ZSWIM7: variants seen among roughly 807,000 people sequenced by gnomAD.
ZSWIM7 encodes the protein zinc finger SWIM domain-containing protein 7.
In ZSWIM7, 22 loss-of-function variants were observed where a neutral mutation model predicts 21.1. The ratio of observed to expected loss-of-function variants is 1.04; its 90% CI spans 0.74 to 1.49. ZSWIM7 has a LOEUF of 1.49. ZSWIM7 is among the 40% of genes most tolerant of loss of function. ZSWIM7 has a pLI of 0.00. For missense variants in ZSWIM7, 193 were observed against 168.0 expected (o/e 1.15, Z -0.82); for synonymous variants, 67 against 66.5 (o/e 1.01, Z -0.04).
At chr17:15,984,113 G>A (rs971251523) in intron 3 of ZSWIM7, among the ~76,000 whole-genome samples, 1 of 151,158 alleles carries the variant, frequency 6.6e-6, no homozygotes, top group Non-Finnish European at 1.5e-5. Flanking sequence ...GAGATGGGGA[G>A]AAATTCTACA....
chr17:15,993,410 A>G (rs1970509732), intron 2 of ZSWIM7, among the ~76,000 whole-genome samples: 1 of 151,456 alleles, frequency 6.6e-6, no homozygotes, highest in Non-Finnish European at 1.5e-5. Flanking sequence ...CTCTGTCCCC[A>G]GGCTGAAGTG....
chr17:15,980,664 C>T (rs920604250), intron 4 of ZSWIM7, among the ~76,000 whole-genome samples: 3 of 152,144 alleles, frequency 2.0e-5, no homozygotes, highest in Non-Finnish European at 4.4e-5. Context: ...GTCAGGCTGT[C>T]TCACAGGTAG....
In ZSWIM7 at chr17:15,999,608, A is replaced by G. The variant is rs756632805; in HGVS notation, c.-14T>C. 9.6e-6 allele frequency: 15 copies of G among 1,567,782 alleles called. No homozygotes were observed. In the African/African-American group the frequency reaches 1.9e-4, roughly 20 times the overall value. ...CACTACGGCCATCGCGCCGCAGGAC[A>G]CGCCCTCCACGACCGGCGGACCGCC... On this transcript the variant is annotated 5_prime_UTR_variant, in exon 1 of 5. Transcript: ENST00000399277.
At position 15,977,934 on chromosome 17, in the gene ZSWIM7, A is replaced by G. The variant is rs1970299082; in HGVS notation, c.*113T>C. 1 of 887,044 alleles carries G rather than the reference A, an allele frequency of 1.1e-6. No homozygotes were observed. Among genetic ancestry groups the G allele is most frequent in the Non-Finnish European group, 1.8e-6 (1 of 551,964 alleles). 54.9% of individuals were successfully genotyped at this position (887,044 alleles called of 1,614,324 possible). A position where few individuals can be genotyped will look rare whatever the true frequency, so the allele number is the denominator to read the frequency against. On this transcript the variant is annotated 3_prime_UTR_variant, in exon 5 of 5. Transcript: ENST00000399277. ...CAGTCCTGGAGGGAAAAGGGACAGT[A>G]ACATGAAGTGTCTGAAGATCCATTT...
chr17:15,986,859 A>C (rs1478502492), intron 3 of ZSWIM7: 1 of 153,168 alleles, frequency 6.5e-6, no homozygotes, highest in Non-Finnish European at 1.5e-5. Flanking sequence ...TAGGAGTTTG[A>C]GACCAGCCTG....
Position 15,977,310 on chromosome 17 carries a change from A to C in ZSWIM7, c.*737T>G, listed in dbSNP as rs1302780955. 1 of 152,120 alleles carries C rather than the reference A, an allele frequency of 6.6e-6. No homozygotes were observed. Among genetic ancestry groups the C allele is most frequent in the Non-Finnish European group, 1.5e-5 (1 of 68,036 alleles). 9.4% of individuals were successfully genotyped at this position (152,120 alleles called of 1,614,324 possible). ...TGCTGCTCAATAGTTTCCTGGACCC[A>C]AGGAAAAGAACTGACCTACTCGTCG... is the stretch of plus-strand genomic sequence containing the variant. On this transcript the variant is annotated 3_prime_UTR_variant, in exon 5 of 5. Transcript: ENST00000399277.
rs571917677 is a variant in ZSWIM7 at position 15,998,669 on chromosome 17, T to C, written c.76+850A>G. On this transcript the variant is annotated intron_variant, in intron 1 of 4. Coordinates refer to ENST00000399277, the MANE Select transcript of ZSWIM7 (RefSeq NM_001042697.2). ...AGCATAGCCAAAGAGTACCCTCTGCTGGTCAGAAAAAAAATGGTGCTTTCA... is the reference window on the plus strand; with the variant it reads ...AGCATAGCCAAAGAGTACCCTCTGCCGGTCAGAAAAAAAATGGTGCTTTCA... Among the ~76,000 whole-genome samples the C allele has an allele frequency of 1.1e-4, 17 of 152,064 alleles. No homozygotes were observed. In the South Asian group the frequency reaches 3.1e-3, roughly 28 times the overall value.
chr17:15,978,579 C>A (rs965186095), intron 4 of ZSWIM7, among the ~76,000 whole-genome samples: 1 of 152,212 alleles, frequency 6.6e-6, no homozygotes, highest in Non-Finnish European at 1.5e-5. Context: ...GCCTGGGTGA[C>A]AGAGCCAGAC....
chr17:15,995,721 C>T (rs868680811), intron 1 of ZSWIM7, among the ~76,000 whole-genome samples: 4 of 151,812 alleles, frequency 2.6e-5, no homozygotes, highest in Non-Finnish European at 5.9e-5. Flanking sequence ...AGAGGACATC[C>T]AGTAACTTAA....
intron 4 of ZSWIM7, 94 bp downstream of exon 4, chr17:15,980,946 T>C: frequency 2.3e-6 from 2 of 879,318 alleles, no homozygotes; most frequent in Non-Finnish European, 3.4e-6. Context: ...CAACATATAA[T>C]AAGATTCCCA....
chr17:15,995,290 G>A (rs896606265), intron 1 of ZSWIM7, among the ~76,000 whole-genome samples: 11 of 149,456 alleles, frequency 7.4e-5, no homozygotes, highest in African/African-American at 2.5e-4. Flanking sequence ...TTTTTGAGAC[G>A]GAGTTTCGCT....
Position 15,999,649 on chromosome 17 carries a change from A to C in ZSWIM7, c.-55T>G. 1 of 1,565,072 alleles carries C rather than the reference A, an allele frequency of 6.4e-7. No homozygotes were observed. Among genetic ancestry groups the C allele is most frequent in the East Asian group, 2.4e-5 (1 of 41,828 alleles). The stretch of plus-strand genomic sequence containing the variant: ...GCGGACCGCCGCGACGCTCCAGCTG[A>C]CTGCGCCTACCTGTGGAGGATCCTG... On this transcript the variant is annotated 5_prime_UTR_variant, in exon 1 of 5. Coordinates refer to ENST00000399277, the MANE Select transcript of ZSWIM7 (RefSeq NM_001042697.2).
At position 15,987,473 on chromosome 17, in the gene ZSWIM7, A is replaced by G. The variant is rs1970428156; in HGVS notation, c.99-105T>C. ...TTAGTATTTTTTAAAAATTCATTTT[A>G]ATTTTGAAAAAAGGAAAATAATACA... On this transcript the variant is annotated intron_variant, in intron 2 of 4. Transcript: ENST00000399277. 4 of 1,006,432 alleles carry G rather than the reference A, an allele frequency of 4.0e-6. No individual in the cohort carries two copies. In the South Asian group the frequency reaches 6.0e-5, roughly 15 times the overall value. 62.3% of individuals were successfully genotyped at this position (1,006,432 alleles called of 1,614,324 possible).
Position 15,976,909 on chromosome 17 carries a change from T to C in ZSWIM7, c.*1138A>G, listed in dbSNP as rs1970284209. Reference sequence around the variant, plus strand: ...CTTGTCTTCTTATGCTGAAATTGATTTCATTTTCATCTTCACGTATTATTG... The same window carrying C: ...CTTGTCTTCTTATGCTGAAATTGATCTCATTTTCATCTTCACGTATTATTG... On this transcript the variant is annotated 3_prime_UTR_variant, in exon 5 of 5. Coordinates refer to ENST00000399277, the MANE Select transcript of ZSWIM7 (RefSeq NM_001042697.2). 6.6e-6 allele frequency: 1 copy of C among 152,110 alleles called. No individual in the cohort carries two copies. The highest frequency in any genetic ancestry group is 2.4e-5 in the African/African-American group (1 of 41,418). 9.4% of individuals were successfully genotyped at this position (152,110 alleles called of 1,614,324 possible).
chr17:15,981,257 T>C (rs762102415), intron 3 of ZSWIM7, 113 bp from the exon 4 acceptor site: 11 of 664,812 alleles, frequency 1.7e-5, no homozygotes, highest in Non-Finnish European at 2.9e-5. Flanking sequence ...CGAGAAGAAC[T>C]GCAGTAATGT....
At chr17:15,981,744 T>A (rs1050986013) in intron 3 of ZSWIM7, among the ~76,000 whole-genome samples, 5 of 151,986 alleles carry the variant, frequency 3.3e-5, no homozygotes, top group African/African-American at 7.3e-5. Context: ...AGACCTCGTT[T>A]CTATAGAAAA....
intron 1 of ZSWIM7, 163 bp downstream of exon 1, chr17:15,999,356 T>G: frequency 2.1e-6 from 2 of 957,072 alleles, no homozygotes; most frequent in Non-Finnish European, 3.1e-6. Context: ...CGCTTTTTTG[T>G]TGTTTTGTTT....
At chr17:15,999,419 G>A in intron 1 of ZSWIM7, 100 bp downstream of exon 1, 1 of 1,428,956 alleles carries the variant, frequency 7.0e-7, no homozygotes, top group South Asian at 1.2e-5. Context: ...AAAAAGGCAG[G>A]GCCAGGCCCG....
At chr17:15,993,348 T>TTTTATTTA (rs149424883) in intron 2 of ZSWIM7, among the ~76,000 whole-genome samples, 5,705 of 142,402 alleles carry the variant, frequency 0.04, 233 homozygotes, top group African/African-American at 0.1. Flanking sequence ...TTATTTTTTA[T>TTTTATTTA]TTTATTTATT....
Sources: allele counts gnomAD v4.1 joint callset (sites outside exome capture counted in the v4.1 genomes callset), GRCh38; gene constraint gnomAD v4.1.1; transcripts MANE v1.5; gene names NCBI Gene and HGNC (gene_info 2026-07-23, HGNC 2026-07-21).